The following RFX3 variants were observed in gnomAD, a reference collection of about 807,000 sequenced individuals.
The protein encoded by RFX3 is regulatory factor X3.
A neutral mutation model predicts 98.6 loss-of-function variants in RFX3; 14 were observed. The ratio of observed to expected loss-of-function variants is 0.14; its 90% CI spans 0.09 to 0.22. RFX3 has a LOEUF of 0.22. RFX3 is among the 10% of genes least tolerant of loss of function. The probability of loss-of-function intolerance (pLI) is 1.00; values close to 1 mark genes in which losing one functional copy is unlikely to be tolerated. For missense variants in RFX3, 639 were observed against 926.9 expected (o/e 0.69, Z 4.03); for synonymous variants, 383 against 328.4 (o/e 1.17, Z -1.80).
At chr9:3,244,063 G>A (rs1326229341) in intron 15 of RFX3, among the ~76,000 whole-genome samples, 5 of 150,808 alleles carry the variant, frequency 3.3e-5, no homozygotes, top group African/African-American at 9.8e-5. Flanking sequence ...GTGCAGTGGC[G>A]TGACCTTGTC....
At chr9:3,352,242 GTGTA>G (rs1454506178) in intron 2 of RFX3, among the ~76,000 whole-genome samples, 1 of 151,924 alleles carries the variant, frequency 6.6e-6, no homozygotes, top group East Asian at 1.9e-4. Context: ...AACAAAATGT[GTGTA>G]TGTGTGTGTG....
chr9:3,469,180 G>A, intron 1 of RFX3: 1 of 455,452 alleles, frequency 2.2e-6, no homozygotes, highest in Non-Finnish European at 4.4e-6. Context: ...AGAAATACAT[G>A]TCCAAAGTTG....
chr9:3,270,752 C>G, intron 10 of RFX3: 1 of 666,540 alleles, frequency 1.5e-6, no homozygotes, highest in East Asian at 2.7e-5. Context: ...GTATGAAAGG[C>G]AGATATGATA....
Position 3,298,710 on chromosome 9 carries a change from T to A in RFX3, c.549+2836A>T, listed in dbSNP as rs1179144505. ...GTAGAAAATTCAATACCTCACCCCA[T>A]CTTCTAAAGTGTGGAAAGGTGTAAA... On this transcript the variant is annotated intron_variant, in intron 5 of 16. Coordinates refer to ENST00000617270, the MANE Select transcript of RFX3 (RefSeq NM_001282116.2). Among the ~76,000 whole-genome samples the A allele has an allele frequency of 2.0e-5, 3 of 151,962 alleles. No individual in the cohort carries two copies. The East Asian group carries it at 5.8e-4, about 29-fold the overall frequency.
intron 2 of RFX3, among the ~76,000 whole-genome samples, chr9:3,357,142 A>C (rs1835874719): frequency 6.6e-6 from 1 of 152,016 alleles, no homozygotes; most frequent in Admixed American, 6.6e-5. Context: ...CTCCGCTTAA[A>C]TTATTAAGTG....
intron 4 of RFX3, among the ~76,000 whole-genome samples, chr9:3,311,764 A>C (rs1829986854): frequency 6.6e-6 from 1 of 152,022 alleles, no homozygotes; most frequent in Admixed American, 6.6e-5. Flanking sequence ...GGCGCCTGTT[A>C]TCCCAGCTAC....
In RFX3 at chr9:3,423,773, A is replaced by G. The variant is rs550277565; in HGVS notation, c.-8-28177T>C. 5.7e-4 allele frequency among the ~76,000 whole-genome samples: 60 copies of G among 105,794 alleles called. 2 individuals are homozygous for G. Among genetic ancestry groups the G allele is most frequent in the African/African-American group, 2.1e-3 (58 of 27,736 alleles). The allele number at this position is 105,794 out of a possible 152,430, so 69.4% of individuals were successfully genotyped here. On this transcript the variant is annotated intron_variant, in intron 1 of 16. Transcript: ENST00000617270. Reference sequence around the variant, plus strand: ...GTATATTTCATTTTATGTATTATATATTTTCATATATATATATATATATAT... The same window carrying G: ...GTATATTTCATTTTATGTATTATATGTTTTCATATATATATATATATATAT...
chr9:3,401,530 T>G (rs888773435), intron 1 of RFX3, among the ~76,000 whole-genome samples: 2 of 152,230 alleles, frequency 1.3e-5, no homozygotes, highest in African/African-American at 4.8e-5. Flanking sequence ...TTCTTTCAAG[T>G]GATATTTGTT....
chr9:3,426,409 C>T (rs540943014), intron 1 of RFX3, among the ~76,000 whole-genome samples: 1 of 151,870 alleles, frequency 6.6e-6, no homozygotes, highest in African/African-American at 2.4e-5. Flanking sequence ...TATAGTCATC[C>T]TACAGTGGTA....
intron 1 of RFX3, among the ~76,000 whole-genome samples, chr9:3,422,482 T>C (rs1273959016): frequency 6.6e-6 from 1 of 152,202 alleles, no homozygotes; most frequent in Non-Finnish European, 1.5e-5. Context: ...TATTTTGAAT[T>C]GTTAGACAAA....
intron 1 of RFX3, among the ~76,000 whole-genome samples, chr9:3,476,850 T>C (rs1325545273): frequency 3.3e-5 from 5 of 152,110 alleles, no homozygotes; most frequent in Non-Finnish European, 7.4e-5. Flanking sequence ...TTTAAAAGCT[T>C]GGGCTTTAGT....
At chr9:3,282,023 T>C (rs998141445) in intron 7 of RFX3, among the ~76,000 whole-genome samples, 8 of 151,812 alleles carry the variant, frequency 5.3e-5, no homozygotes, top group Non-Finnish European at 8.8e-5. Flanking sequence ...GACATCATTA[T>C]GTTTTGTAAT....
chr9:3,433,622 C>G (rs10972020), intron 1 of RFX3, among the ~76,000 whole-genome samples: 5,581 of 152,234 alleles, frequency 0.037, 367 homozygotes, highest in African/African-American at 0.13. Flanking sequence ...GTTCAAGGGT[C>G]AACTGTATTT....
intron 1 of RFX3, among the ~76,000 whole-genome samples, chr9:3,494,491 G>A (rs1007298488): frequency 6.6e-6 from 1 of 152,102 alleles, no homozygotes; most frequent in South Asian, 2.1e-4. Flanking sequence ...TACTTTTCAA[G>A]CTAGAAATGT....
intron 1 of RFX3, among the ~76,000 whole-genome samples, chr9:3,420,637 C>T (rs1843364551): frequency 6.6e-6 from 1 of 152,166 alleles, no homozygotes; most frequent in African/African-American, 2.4e-5. Flanking sequence ...AGTCTTTCAG[C>T]TGCATCACCG....
intron 1 of RFX3, among the ~76,000 whole-genome samples, chr9:3,440,741 A>C (rs971945682): frequency 1.3e-5 from 2 of 152,156 alleles, no homozygotes; most frequent in Non-Finnish European, 2.9e-5. Flanking sequence ...TAACTCTAAA[A>C]TTCATATGGA....
At chr9:3,385,297 T>C (rs1022000559) in intron 2 of RFX3, among the ~76,000 whole-genome samples, 1 of 152,200 alleles carries the variant, frequency 6.6e-6, no homozygotes, top group Non-Finnish European at 1.5e-5. Context: ...CTAAAATTGA[T>C]AGTTTGATAG....
At chr9:3,372,953 C>T (rs183770757) in intron 2 of RFX3, among the ~76,000 whole-genome samples, 1 of 152,078 alleles carries the variant, frequency 6.6e-6, no homozygotes, top group Non-Finnish European at 1.5e-5. Flanking sequence ...AAAAAGGTTG[C>T]AAACACAAGA....
intron 4 of RFX3, among the ~76,000 whole-genome samples, chr9:3,316,662 A>G (rs1190866694): frequency 6.6e-6 from 1 of 152,248 alleles, no homozygotes; most frequent in Non-Finnish European, 1.5e-5. Flanking sequence ...TAAGCTGATA[A>G]GCAACTTCAG....
Sources: gnomAD v4.1 joint callset for allele counts (sites outside exome capture counted in the v4.1 genomes callset) on GRCh38, gnomAD v4.1.1 for gene constraint, MANE v1.5 for transcripts, NCBI Gene and HGNC (gene_info 2026-07-23, HGNC 2026-07-21) for gene names.